Variants in DMXL1 observed in about 807,000 individuals in gnomAD.
DMXL1 encodes the protein dmX-like protein 1.
Under a neutral mutation model 319.2 loss-of-function variants are expected in DMXL1, and 99 were observed. That is an observed-to-expected ratio of 0.31 (90% confidence interval 0.26 to 0.37). The LOEUF is 0.37. Ranked by LOEUF, DMXL1 falls within the 10% of genes least tolerant of loss-of-function variation. The pLI, the probability that DMXL1 is intolerant of heterozygous loss-of-function variation, is 1.00. For synonymous variants in DMXL1, 1,385 were observed against 1,235.2 expected, an observed-to-expected ratio of 1.12 and a Z score of -2.54; for missense variants, 3,745 against 3,595.6, an observed-to-expected ratio of 1.04 and a Z score of -1.06.
At position 119,148,760 on chromosome 5, in the gene DMXL1, T is replaced by C. The variant is rs1272439220; in HGVS notation, c.2933T>C (p.Ile978Thr). The C allele has an allele frequency of 2.5e-6, 4 of 1,612,668 alleles. No individual in the cohort carries two copies. The Admixed American group carries it at 6.7e-5, about 27-fold the overall frequency. Residue 978 changes from isoleucine to threonine, a missense_variant, in exon 18 of 44, where the codon ATA becomes ACA. By Grantham distance (89) the Ile-to-Thr change is moderately conservative. Around this residue, in one of 4 missense-constraint regions of DMXL1, gnomAD observed 2,096 missense variants for 1,985.4 expected, o/e 1.06. Transcript: ENST00000539542. Reference protein sequence around the residue: ...PSAGHLSSSSIYPACSAPYLL... With the variant: ...PSAGHLSSSSTYPACSAPYLL... Reference sequence around the variant, plus strand: ...TTAGGACATCTGAGTTCATCTTCTATATATCCTGCATGCAGTGCTCCTTAT... The same window carrying C: ...TTAGGACATCTGAGTTCATCTTCTACATATCCTGCATGCAGTGCTCCTTAT...
Position 119,133,625 on chromosome 5 carries a change from T to G in DMXL1, c.1701T>G (p.Ser567=). The change falls in exon 12 of 44, where the codon TCT becomes TCG. Residue 567 remains serine (S), a synonymous_variant. Coordinates refer to ENST00000539542, the MANE Select transcript of DMXL1 (RefSeq NM_001290321.3). ...LAIQQGKQKP[S]GLTRSTSMLI... is the part of the protein sequence containing the mutation. ...TTCAGCAGGGGAAACAAAAACCTTCTGGCCTCACCCGTTCCACATCAATGC... is the reference window on the plus strand; with the variant it reads ...TTCAGCAGGGGAAACAAAAACCTTCGGGCCTCACCCGTTCCACATCAATGC... 6.2e-7 allele frequency: 1 copy of G among 1,614,236 alleles called. No homozygotes were observed.
chr5:119,077,979 C>T (rs997699220), intron 1 of DMXL1, among the ~76,000 whole-genome samples: 3 of 151,454 alleles, frequency 2.0e-5, no homozygotes, highest in Non-Finnish European at 4.4e-5. Context: ...AAGCAGTCCA[C>T]CTGCCTCAGC....
chr5:119,211,081 T>A lies in DMXL1; in HGVS notation c.7926+4185T>A, dbSNP rs535111608. 7.9e-5 allele frequency among the ~76,000 whole-genome samples: 12 copies of A among 151,960 alleles called. No individual in the cohort carries two copies. The South Asian group carries it at 8.3e-4, about 10-fold the overall frequency. On this transcript the variant is annotated intron_variant, in intron 34 of 43. Coordinates refer to ENST00000539542, the MANE Select transcript of DMXL1 (RefSeq NM_001290321.3). ...TAGTATGATAGGTTAAGGATTTTTT[T>A]AAAAAATGTTAAACCAATCTAGCAT...
At chr5:119,221,271 T>C (rs1231735416) in intron 37 of DMXL1, among the ~76,000 whole-genome samples, 190 bp downstream of exon 37, 1 of 152,184 alleles carries the variant, frequency 6.6e-6, no homozygotes, top group Admixed American at 6.5e-5. Context: ...AATAAATTGT[T>C]TTAAAAATAT....
At chr5:119,198,696 C>T (rs1209762009) in intron 32 of DMXL1, among the ~76,000 whole-genome samples, 3 of 152,118 alleles carry the variant, frequency 2.0e-5, no homozygotes, top group East Asian at 1.9e-4. Context: ...GCAAAAAGAA[C>T]AAGGCATCAC....
intron 30 of DMXL1, among the ~76,000 whole-genome samples, chr5:119,195,302 T>C (rs921666704): frequency 2.0e-5 from 3 of 152,224 alleles, no homozygotes; most frequent in Non-Finnish European, 2.9e-5. Flanking sequence ...CTTCCCATGT[T>C]CTTAGCAGCA....
At chr5:119,237,512 A>G (rs548909069) in intron 40 of DMXL1, 98 bp downstream of exon 40, 3 of 723,244 alleles carry the variant, frequency 4.1e-6, no homozygotes, top group Non-Finnish European at 7.3e-6. Context: ...ACTAATAAAT[A>G]AAATATAGTC....
chr5:119,218,287 AAAAG>A (rs1784040901), intron 35 of DMXL1, among the ~76,000 whole-genome samples: 1 of 152,170 alleles, frequency 6.6e-6, no homozygotes, highest in East Asian at 1.9e-4. Flanking sequence ...TCTGTGCTAT[AAAAG>A]AAACTAGTTG....
intron 4 of DMXL1, among the ~76,000 whole-genome samples, chr5:119,108,632 C>T (rs1472728318): frequency 1.3e-5 from 2 of 152,102 alleles, no homozygotes; most frequent in Non-Finnish European, 2.9e-5. Flanking sequence ...GTTGCCCAGA[C>T]AGGTCTTGAA....
At position 119,171,007 on chromosome 5, in the gene DMXL1, G is replaced by A. The variant is rs769402096; in HGVS notation, c.6216G>A (p.Arg2072=). The A allele has an allele frequency of 1.2e-6, 2 of 1,613,812 alleles. No individual in the cohort carries two copies. The highest frequency in any genetic ancestry group is 1.7e-6 in the Non-Finnish European group (2 of 1,179,890). The change falls in exon 24 of 44, where the codon AGG becomes AGA. Residue 2072 remains arginine, a synonymous_variant. Transcript: ENST00000539542. ...WLEKEVIALQ[R]TCDFCSDAEE... ...AAAAAGAGGTGATAGCTCTTCAGAG[G>A]ACTTGTGACTTTTGCTCAGATGCTG...
intron 19 of DMXL1, 101 bp downstream of exon 19, chr5:119,152,137 C>G: frequency 1.5e-6 from 1 of 669,134 alleles, no homozygotes; most frequent in South Asian, 2.2e-5. Flanking sequence ...ATAATGATGA[C>G]ATATTTAACA....
At chr5:119,237,682 AGCCCTTT>A in intron 40 of DMXL1, among the ~76,000 whole-genome samples, 3 of 152,118 alleles carry the variant, frequency 2.0e-5, no homozygotes, top group Admixed American at 2.0e-4. Flanking sequence ...GGATTACTAG[AGCCCTTT>A]TCTAACCTCA....
intron 34 of DMXL1, among the ~76,000 whole-genome samples, chr5:119,213,063 T>G (rs1466068833): frequency 6.6e-6 from 1 of 152,234 alleles, no homozygotes; most frequent in East Asian, 1.9e-4. Flanking sequence ...CTTGCCTCAC[T>G]TTACATTTAT....
chr5:119,208,896 C>G (rs1404141161), intron 34 of DMXL1, among the ~76,000 whole-genome samples: 2 of 152,048 alleles, frequency 1.3e-5, no homozygotes, highest in Non-Finnish European at 2.9e-5. Context: ...AGCTACCAAA[C>G]TTTTTCCTGG....
At chr5:119,130,090 GT>G (rs928792817) in intron 10 of DMXL1, among the ~76,000 whole-genome samples, 20 of 147,636 alleles carry the variant, frequency 1.4e-4, no homozygotes, top group African/African-American at 4.0e-4. Flanking sequence ...AATGTGTTTG[GT>G]TTTTTTTTTT....
intron 25 of DMXL1, among the ~76,000 whole-genome samples, chr5:119,173,668 A>ATGTGTGTG (rs1461681311): frequency 9.5e-4 from 96 of 100,524 alleles, no homozygotes; most frequent in African/African-American, 2.8e-3. Flanking sequence ...AATCAGTAGG[A>ATGTGTGTG]TGTATGTGTG....
chr5:119,190,925 ATGCT>A (rs1326404867), intron 29 of DMXL1, among the ~76,000 whole-genome samples: 1 of 152,234 alleles, frequency 6.6e-6, no homozygotes, highest in African/African-American at 2.4e-5. Flanking sequence ...CACAGAAGAA[ATGCT>A]TGCTTCATAT....
At chr5:119,074,164 C>A (rs1750291742) in intron 1 of DMXL1, among the ~76,000 whole-genome samples, 1 of 152,228 alleles carries the variant, frequency 6.6e-6, no homozygotes, top group African/African-American at 2.4e-5. Flanking sequence ...GGTGATCCAC[C>A]AGTCTTGGCC....
intron 35 of DMXL1, among the ~76,000 whole-genome samples, chr5:119,217,391 G>A (rs559739959): frequency 1.5e-3 from 225 of 152,120 alleles, no homozygotes; most frequent in African/African-American, 4.5e-3. Context: ...TTATACCTCC[G>A]ATAGCTGCCC....
Sources: gnomAD v4.1 joint callset for allele counts (sites outside exome capture counted in the v4.1 genomes callset) on GRCh38, gnomAD v4.1.1 for gene constraint, gnomAD v4.1.1 regional missense constraint, MANE v1.5 for transcripts, NCBI Gene and HGNC (gene_info 2026-07-23, HGNC 2026-07-21) for gene names.